Variants in NHS observed in about 807,000 individuals in gnomAD.
NHS encodes the protein NHS actin remodeling regulator, also known as actin remodeling regulator NHS.
Under a neutral mutation model 72.5 loss-of-function variants are expected in NHS, and 5 were observed. That is an observed-to-expected ratio of 0.07 (90% CI 0.04 to 0.14). NHS has a LOEUF of 0.14. NHS is among the 10% of genes least tolerant of loss of function. NHS has a pLI of 1.00. For synonymous variants in NHS, 464 were observed against 547.7 expected (o/e 0.85, Z 2.13); for missense variants, 1,072 against 1,355.7 (o/e 0.79, Z 3.29).
At chrX:17,430,916 T>C (rs183600365) in intron 1 of NHS, among the ~76,000 whole-genome samples, 10 of 112,555 alleles carry the variant, frequency 8.9e-5, no homozygotes, top group Non-Finnish European at 1.7e-4. Context: ...TTTGCTATTA[T>C]GAATAGTGAT....
intron 1 of NHS, among the ~76,000 whole-genome samples, chrX:17,455,855 C>T (rs1407248210): frequency 9.0e-6 from 1 of 111,187 alleles, no homozygotes; most frequent in Non-Finnish European, 1.9e-5. Context: ...GCAGTTGAAC[C>T]CCTCCCTAAA....
chrX:17,424,906 A>G (rs2064643367), intron 1 of NHS, among the ~76,000 whole-genome samples: 2 of 111,261 alleles, frequency 1.8e-5, no homozygotes, highest in Non-Finnish European at 3.8e-5. Context: ...ATCCTTTAGG[A>G]ACTCACGTCT....
chrX:17,580,061 A>G (rs1337573965), intron 1 of NHS, among the ~76,000 whole-genome samples: 4 of 110,465 alleles, frequency 3.6e-5, no homozygotes, highest in African/African-American at 1.3e-4. Flanking sequence ...CAAATCATGC[A>G]CCTGAATCAT....
intron 1 of NHS, among the ~76,000 whole-genome samples, chrX:17,456,954 G>C (rs1203808340): frequency 8.9e-6 from 1 of 112,195 alleles, no homozygotes; most frequent in Non-Finnish European, 1.9e-5. Flanking sequence ...CCAGAAGGCT[G>C]TTTTGTTTAT....
intron 3 of NHS, among the ~76,000 whole-genome samples, chrX:17,702,947 G>C (rs1203528430): frequency 9.1e-6 from 1 of 110,102 alleles, no homozygotes; most frequent in Non-Finnish European, 1.9e-5. Context: ...TCCCTTTAAG[G>C]TGGTATTCTT....
intron 2 of NHS, 24 bp downstream of exon 2, chrX:17,687,918 C>T: frequency 8.3e-7 from 1 of 1,202,821 alleles, no homozygotes; most frequent in Non-Finnish European, 1.1e-6. Flanking sequence ...GGCTTGGGGG[C>T]TTTTGCGGGA....
At chrX:17,639,034 A>G (rs1183142721) in intron 1 of NHS, among the ~76,000 whole-genome samples, 1 of 110,996 alleles carries the variant, frequency 9.0e-6, no homozygotes, top group Non-Finnish European at 1.9e-5. Context: ...CAGCACAAAA[A>G]CTCACCATTC....
intron 1 of NHS, among the ~76,000 whole-genome samples, chrX:17,468,630 G>A (rs2064879684): frequency 9.1e-6 from 1 of 110,306 alleles, no homozygotes; most frequent in African/African-American, 3.3e-5. Context: ...ATGGCTCACT[G>A]CAGCCTCGAC....
At chrX:17,634,346 G>A (rs953240961) in intron 1 of NHS, among the ~76,000 whole-genome samples, 1 of 112,182 alleles carries the variant, frequency 8.9e-6, no homozygotes. Context: ...CACAAATCTG[G>A]CAGATGAGAA....
chrX:17,602,330 C>G (rs991641770), intron 1 of NHS, among the ~76,000 whole-genome samples: 2 of 112,138 alleles, frequency 1.8e-5, no homozygotes, highest in African/African-American at 6.5e-5. Flanking sequence ...GTGCTTAGAA[C>G]TGGTAAGGCA....
intron 1 of NHS, among the ~76,000 whole-genome samples, chrX:17,458,775 G>A (rs1399814443): frequency 1.8e-5 from 2 of 112,483 alleles, no homozygotes; most frequent in African/African-American, 6.5e-5. Flanking sequence ...TTACAGGCGT[G>A]AGCCACCGCA....
At chrX:17,593,262 C>T (rs774369069) in intron 1 of NHS, among the ~76,000 whole-genome samples, 4 of 111,377 alleles carry the variant, frequency 3.6e-5, no homozygotes, top group East Asian at 2.8e-4. Context: ...AGAGTTGCTG[C>T]CACCATGAGA....
chrX:17,480,862 G>A (rs1193590431), intron 1 of NHS, among the ~76,000 whole-genome samples: 5 of 110,949 alleles, frequency 4.5e-5, no homozygotes, highest in East Asian at 2.8e-4. Flanking sequence ...AATGCACGGC[G>A]ATTTTGCATT....
chrX:17,497,849 A>G (rs1416782490), intron 1 of NHS, among the ~76,000 whole-genome samples: 1 of 111,825 alleles, frequency 8.9e-6, no homozygotes, highest in African/African-American at 3.2e-5. Context: ...ATTGATGGGT[A>G]TTTAGGTTAC....
rs1814540539 is a variant in NHS at position 17,546,925 on chromosome X, G to A, written c.566-140817G>A. On this transcript the variant is annotated intron_variant, in intron 1 of 8. Transcript: ENST00000676302. Reference sequence around the variant, plus strand: ...CTACTGATCAGGGGTCAGATCAAGTGGAGGTTGACCTTGACTCAACAGAAT... The same window carrying A: ...CTACTGATCAGGGGTCAGATCAAGTAGAGGTTGACCTTGACTCAACAGAAT... Among the ~76,000 whole-genome samples the A allele has an allele frequency of 4.5e-5, 5 of 112,181 alleles. No homozygotes were observed. In the Admixed American group the frequency reaches 4.7e-4, roughly 11 times the overall value.
chrX:17,563,231 AG>A (rs2065424672), intron 1 of NHS, among the ~76,000 whole-genome samples: 1 of 112,749 alleles, frequency 8.9e-6, no homozygotes, highest in South Asian at 3.6e-4. Context: ...ATGCCTAAAT[AG>A]GGAAATGATG....
In NHS at chrX:17,563,809, G is replaced by C. The variant is rs933169301; in HGVS notation, c.566-123933G>C. The stretch of plus-strand genomic sequence containing the variant: ...TATGTGATGGAGTGGGTGGACGGGT[G>C]GGGGAGGTGGAGAGGAAAGGTACAC... On this transcript the variant is annotated intron_variant, in intron 1 of 8. Coordinates refer to ENST00000676302, the MANE Select transcript of NHS (RefSeq NM_001291867.2). Among the ~76,000 whole-genome samples, 13 of 109,985 alleles carry C rather than the reference G, an allele frequency of 1.2e-4. No homozygotes were observed. In the East Asian group the frequency reaches 2.0e-3, roughly 17 times the overall value.
In NHS at chrX:17,721,530, G is replaced by A; in HGVS notation, c.1005G>A (p.Lys335=). Residue 335 remains lysine (K), a synonymous_variant, in exon 5 of 9, where the codon AAG becomes AAA. Transcript: ENST00000676302. ...ACAATATCCCTTCCACACTGGACAA[G>A]CAGACCAACTGGAGCAAAGCACTAC... is the stretch of plus-strand genomic sequence containing the variant. ...PIHNIPSTLD[K]QTNWSKALPL... The A allele has an allele frequency of 8.3e-7, 1 of 1,211,594 alleles. No individual in the cohort carries two copies. Among genetic ancestry groups the A allele is most frequent in the Non-Finnish European group, 1.1e-6 (1 of 895,378 alleles).
chrX:17,554,712 C>T (rs1054449110), intron 1 of NHS, among the ~76,000 whole-genome samples: 1 of 112,149 alleles, frequency 8.9e-6, no homozygotes, highest in Non-Finnish European at 1.9e-5. Context: ...TATGTTGAGA[C>T]GCGTGTCTGT....
Sources: allele counts gnomAD v4.1 joint callset (sites outside exome capture counted in the v4.1 genomes callset), GRCh38; gene constraint gnomAD v4.1.1; transcripts MANE v1.5; gene names NCBI Gene and HGNC (gene_info 2026-07-23, HGNC 2026-07-21).